Variants in GNAL observed in about 807,000 individuals in gnomAD.
GNAL encodes G protein subunit alpha L.
GNAL carries 18 observed loss-of-function variants against 55.1 expected under a neutral mutation model. The ratio of observed to expected loss-of-function variants is 0.33; its 90% CI spans 0.23 to 0.48. The LOEUF (loss-of-function observed/expected upper bound fraction) is 0.48. Ranked by LOEUF, GNAL falls within the 20% of genes least tolerant of loss-of-function variation. The pLI, the probability that GNAL is intolerant of heterozygous loss-of-function variation, is 0.99. For synonymous variants in GNAL, 253 were observed against 237.0 expected (o/e 1.07, Z -0.62); for missense variants, 412 against 614.1 (o/e 0.67, Z 3.48).
intron 1 of GNAL, among the ~76,000 whole-genome samples, chr18:11,724,071 A>G (rs2032157485): frequency 6.6e-6 from 1 of 152,238 alleles, no homozygotes; most frequent in African/African-American, 2.4e-5. Context: ...AACAGCAACC[A>G]AATTTATTAT....
intron 11 of GNAL, among the ~76,000 whole-genome samples, chr18:11,878,365 C>T (rs1309224804): frequency 6.6e-6 from 1 of 152,032 alleles, no homozygotes; most frequent in Non-Finnish European, 1.5e-5. Context: ...GTGGGAGGAT[C>T]CCTTGAGCCT....
chr18:11,833,045 T>A (rs2035421665), intron 5 of GNAL, among the ~76,000 whole-genome samples: 1 of 130,192 alleles, frequency 7.7e-6, no homozygotes, highest in Non-Finnish European at 1.5e-5. Context: ...TATTTTCAGA[T>A]TTTTTTTTTT....
chr18:11,737,740 GCT>G (rs1404020842), intron 1 of GNAL, among the ~76,000 whole-genome samples: 22 of 152,362 alleles, frequency 1.4e-4, no homozygotes, highest in African/African-American at 5.3e-4. Flanking sequence ...CAAGCCCTGT[GCT>G]GGGCACAGGG....
Position 11,740,620 on chromosome 18 carries a change from C to G in GNAL, c.377-12233C>G, listed in dbSNP as rs1292294905. 3.3e-5 allele frequency among the ~76,000 whole-genome samples: 5 copies of G among 152,216 alleles called. No individual in the cohort carries two copies. The South Asian group carries it at 6.2e-4, about 19-fold the overall frequency. ...GTCCATCCCCACAGGCCTCTTGCTTCTCTTCATTCCATATGTGTGTGTTGC... is the reference window on the plus strand; with the variant it reads ...GTCCATCCCCACAGGCCTCTTGCTTGTCTTCATTCCATATGTGTGTGTTGC... On this transcript the variant is annotated intron_variant, in intron 1 of 11. Coordinates refer to ENST00000334049, the MANE Select transcript of GNAL (RefSeq NM_182978.4).
At chr18:11,833,311 T>G (rs1002595525) in intron 5 of GNAL, among the ~76,000 whole-genome samples, 1 of 152,192 alleles carries the variant, frequency 6.6e-6, no homozygotes, top group African/African-American at 2.4e-5. Flanking sequence ...ATTACAGGCA[T>G]GAACCACTGT....
At chr18:11,753,101 G>T (rs960725759) in intron 2 of GNAL, among the ~76,000 whole-genome samples, 176 bp downstream of exon 2, 1 of 151,984 alleles carries the variant, frequency 6.6e-6, no homozygotes, top group African/African-American at 2.4e-5. Context: ...TCCTTCTTCT[G>T]CTAGTGTCTA....
At chr18:11,735,197 C>T (rs1190842960) in intron 1 of GNAL, among the ~76,000 whole-genome samples, 3 of 151,674 alleles carry the variant, frequency 2.0e-5, no homozygotes, top group Admixed American at 6.6e-5. Flanking sequence ...ACTACAGGCT[C>T]GCACCACCAC....
At chr18:11,753,598 T>A (rs1299176031) in intron 2 of GNAL, 30 bp from the exon 3 acceptor site, 2 of 1,388,442 alleles carry the variant, frequency 1.4e-6, no homozygotes, top group African/African-American at 2.8e-5. Flanking sequence ...AAGAGTAAAT[T>A]AAGCTAATAA....
At chr18:11,718,649 G>A (rs543715411) in intron 1 of GNAL, among the ~76,000 whole-genome samples, 1 of 152,114 alleles carries the variant, frequency 6.6e-6, no homozygotes, top group African/African-American at 2.4e-5. Flanking sequence ...TAGATCACAA[G>A]CATCTTCTAG....
intron 4 of GNAL, among the ~76,000 whole-genome samples, chr18:11,801,767 G>A (rs562946750): frequency 6.6e-6 from 1 of 152,258 alleles, no homozygotes; most frequent in East Asian, 1.9e-4. Context: ...AGAAGCATCA[G>A]GGATGATGTC....
At chr18:11,728,900 G>A (rs2143433075) in intron 1 of GNAL, among the ~76,000 whole-genome samples, 1 of 152,302 alleles carries the variant, frequency 6.6e-6, no homozygotes, top group Non-Finnish European at 1.5e-5. Flanking sequence ...GCCTGCTGAT[G>A]AAAGGCTGAC....
intron 5 of GNAL, among the ~76,000 whole-genome samples, chr18:11,832,961 A>AT (rs1287506022): frequency 6.6e-6 from 1 of 152,074 alleles, no homozygotes; most frequent in Non-Finnish European, 1.5e-5. Context: ...AACTTATTAA[A>AT]TATATAGCAG....
intron 1 of GNAL, among the ~76,000 whole-genome samples, chr18:11,704,545 A>G (rs1161474106): frequency 1.3e-5 from 2 of 152,232 alleles, no homozygotes; most frequent in Admixed American, 6.5e-5. Context: ...CCACAGGTAC[A>G]GAGGGAGAGG....
chr18:11,844,743 C>G (rs1439951264), intron 5 of GNAL, among the ~76,000 whole-genome samples: 1 of 152,154 alleles, frequency 6.6e-6, no homozygotes, highest in African/African-American at 2.4e-5. Context: ...ACAATCTGTT[C>G]CCATCATGAA....
At chr18:11,719,779 G>A (rs2032051779) in intron 1 of GNAL, among the ~76,000 whole-genome samples, 1 of 152,202 alleles carries the variant, frequency 6.6e-6, no homozygotes, top group South Asian at 2.1e-4. Flanking sequence ...CAGCAGCCAT[G>A]GACAGTGCAG....
In GNAL at chr18:11,868,528, T is replaced by C. The variant is rs772387498; in HGVS notation, c.911-15T>C. On this transcript the variant is annotated splice_polypyrimidine_tract_variant and intron_variant, in intron 8 of 11. Transcript: ENST00000334049. This position sits in a 1 kb window ranked among gnomAD's most constrained non-coding sequence, Gnocchi z 4.0. ...GATGTCTAACTGAGGTGCTTTCCTT[T>C]TTCTCCCCACCAAGATGTCACAGCT... is the stretch of plus-strand genomic sequence containing the variant. 1.2e-6 allele frequency: 2 copies of C among 1,605,474 alleles called. No homozygotes were observed. Among genetic ancestry groups the C allele is most frequent in the Non-Finnish European group, 1.7e-6 (2 of 1,176,592 alleles).
intron 4 of GNAL, among the ~76,000 whole-genome samples, chr18:11,779,941 G>A (rs889545814): frequency 6.6e-6 from 1 of 152,216 alleles, no homozygotes; most frequent in Non-Finnish European, 1.5e-5. Context: ...CCACTCATAT[G>A]GAGAAGGCTT....
At chr18:11,758,021 T>A (rs2033117102) in intron 4 of GNAL, among the ~76,000 whole-genome samples, 1 of 151,792 alleles carries the variant, frequency 6.6e-6, no homozygotes, top group African/African-American at 2.4e-5. Flanking sequence ...GCTGGGAAGG[T>A]AGGCAAGGTC....
chr18:11,837,689 T>C (rs2035526569), intron 5 of GNAL, among the ~76,000 whole-genome samples: 1 of 152,192 alleles, frequency 6.6e-6, no homozygotes, highest in African/African-American at 2.4e-5. Flanking sequence ...GTCCAGCCAC[T>C]TTGGAAAACA....
Sources: allele counts gnomAD v4.1 joint callset (sites outside exome capture counted in the v4.1 genomes callset), GRCh38; gene constraint gnomAD v4.1.1; non-coding constraint Gnocchi (gnomAD v3.1); transcripts MANE v1.5; gene names NCBI Gene and HGNC (gene_info 2026-07-23, HGNC 2026-07-21).